Variants in ELMO1 observed in about 807,000 individuals in gnomAD.
ELMO1 encodes the protein engulfment and cell motility protein 1.
A neutral mutation model predicts 98.9 loss-of-function variants in ELMO1; 26 were observed. That is an observed-to-expected ratio of 0.26 (90% CI 0.19 to 0.36). The LOEUF (loss-of-function observed/expected upper bound fraction) is 0.36. ELMO1 is among the 10% of genes least tolerant of loss of function. The pLI is 1.00. For missense variants in ELMO1, 627 were observed against 935.2 expected, an observed-to-expected ratio of 0.67 and a Z score of 4.30; for synonymous variants, 346 against 346.0, an observed-to-expected ratio of 1.00 and a Z score of 0.00.
intron 13 of ELMO1, among the ~76,000 whole-genome samples, chr7:37,151,189 A>T (rs1216052536): frequency 6.6e-6 from 1 of 152,206 alleles, no homozygotes; most frequent in African/African-American, 2.4e-5. Flanking sequence ...TCAGGTCCTG[A>T]GGTCTCTTGG....
chr7:36,875,084 G>T (rs764412358), intron 19 of ELMO1, among the ~76,000 whole-genome samples: 1 of 152,164 alleles, frequency 6.6e-6, no homozygotes, highest in African/African-American at 2.4e-5. Flanking sequence ...ATGTTATGTG[G>T]CAAGAGCAAT....
intron 4 of ELMO1, among the ~76,000 whole-genome samples, chr7:37,275,042 T>G (rs748505267): frequency 1.3e-5 from 2 of 152,198 alleles, no homozygotes; most frequent in Non-Finnish European, 2.9e-5. Context: ...GATAAGTTAT[T>G]TGCCCAACAT....
intron 16 of ELMO1, among the ~76,000 whole-genome samples, chr7:36,895,542 G>A (rs191834088): frequency 4.6e-5 from 7 of 152,236 alleles, no homozygotes; most frequent in South Asian, 4.1e-4. Flanking sequence ...TACTAATTAC[G>A]CATTTGGAAA....
chr7:37,139,146 TC>T (rs1787455562), intron 13 of ELMO1, among the ~76,000 whole-genome samples: 1 of 152,022 alleles, frequency 6.6e-6, no homozygotes, highest in East Asian at 1.9e-4. Flanking sequence ...GTGGAAGCAT[TC>T]CCCCTGAGAA....
At chr7:36,885,809 A>C (rs1400921846) in intron 18 of ELMO1, among the ~76,000 whole-genome samples, 1 of 152,176 alleles carries the variant, frequency 6.6e-6, no homozygotes, top group East Asian at 1.9e-4. Context: ...GCCTGGCACC[A>C]AGTCCACTCA....
intron 7 of ELMO1, among the ~76,000 whole-genome samples, chr7:37,235,745 C>T (rs1794425958): frequency 6.6e-6 from 1 of 152,182 alleles, no homozygotes; most frequent in African/African-American, 2.4e-5. Flanking sequence ...GCAGCCTGGC[C>T]AACGTGGTGA....
At chr7:36,887,072 T>G (rs1805072811) in intron 18 of ELMO1, among the ~76,000 whole-genome samples, 1 of 152,212 alleles carries the variant, frequency 6.6e-6, no homozygotes, top group African/African-American at 2.4e-5. Context: ...GTTTGAATCC[T>G]TGCTCTTCTG....
intron 1 of ELMO1, among the ~76,000 whole-genome samples, chr7:37,352,093 T>C (rs1801296984): frequency 6.6e-6 from 1 of 152,254 alleles, no homozygotes; most frequent in Non-Finnish European, 1.5e-5. Flanking sequence ...GTTCACTTAC[T>C]ATATACTTTT....
intron 15 of ELMO1, among the ~76,000 whole-genome samples, chr7:37,090,727 G>A (rs561268207): frequency 6.6e-6 from 1 of 152,114 alleles, no homozygotes; most frequent in Non-Finnish European, 1.5e-5. Context: ...CCTTTCCCCA[G>A]CCCTGCCCAG....
intron 5 of ELMO1, chr7:37,271,601 G>A (rs923751340): frequency 4.0e-6 from 2 of 498,642 alleles, no homozygotes; most frequent in Non-Finnish European, 7.1e-6. Flanking sequence ...AAGCTATCCT[G>A]GGCCGCAGGT....
chr7:37,292,710 G>A (rs1263310438), intron 4 of ELMO1, among the ~76,000 whole-genome samples: 3 of 91,742 alleles, frequency 3.3e-5, no homozygotes, highest in Admixed American at 1.0e-4. Flanking sequence ...GTCTCCGCCC[G>A]GCAGCCGCCC....
intron 1 of ELMO1, among the ~76,000 whole-genome samples, chr7:37,366,548 G>A (rs1801909814): frequency 6.6e-6 from 1 of 152,152 alleles, no homozygotes; most frequent in Non-Finnish European, 1.5e-5. Context: ...GCAAGACAAA[G>A]TTATGGAGTC....
At chr7:37,099,833 A>G (rs564588288) in intron 14 of ELMO1, among the ~76,000 whole-genome samples, 8 of 141,358 alleles carry the variant, frequency 5.7e-5, no homozygotes, top group Admixed American at 1.4e-4. Context: ...CTGGAGTTCA[A>G]TTTTTTTTTT....
intron 13 of ELMO1, among the ~76,000 whole-genome samples, chr7:37,133,846 G>C (rs1787087017): frequency 6.6e-6 from 1 of 151,742 alleles, no homozygotes; most frequent in Non-Finnish European, 1.5e-5. Flanking sequence ...TGGTCTTTAG[G>C]GTCACCACAC....
chr7:37,291,557 A>G (rs1467157333), intron 4 of ELMO1, among the ~76,000 whole-genome samples: 1 of 152,224 alleles, frequency 6.6e-6, no homozygotes, highest in Non-Finnish European at 1.5e-5. Context: ...TATAGAAGGG[A>G]AAACTGACTA....
intron 4 of ELMO1, among the ~76,000 whole-genome samples, chr7:37,303,390 AC>A (rs1278366651): frequency 6.6e-6 from 1 of 152,188 alleles, no homozygotes; most frequent in African/African-American, 2.4e-5. Flanking sequence ...ACACACAAAC[AC>A]ACAAAAATAT....
chr7:37,392,818 A>G (rs1803137364), intron 1 of ELMO1, among the ~76,000 whole-genome samples: 1 of 152,162 alleles, frequency 6.6e-6, no homozygotes, highest in African/African-American at 2.4e-5. Flanking sequence ...CCTACAGTAA[A>G]TCATCAAATT....
chr7:37,188,487 TAAAA>T (rs869157346), intron 13 of ELMO1, among the ~76,000 whole-genome samples: 16 of 32,052 alleles, frequency 5.0e-4, no homozygotes, highest in Non-Finnish European at 5.9e-4. Context: ...TGGAGAAAGG[TAAAA>T]AAAAAAAAAA....
intron 15 of ELMO1, among the ~76,000 whole-genome samples, chr7:37,067,400 G>A (rs980021715): frequency 2.6e-5 from 4 of 152,112 alleles, no homozygotes; most frequent in Non-Finnish European, 5.9e-5. Context: ...ATATCTAAAC[G>A]TATGTGCAAC....
Sources: gnomAD v4.1 joint callset for allele counts (sites outside exome capture counted in the v4.1 genomes callset) on GRCh38, gnomAD v4.1.1 for gene constraint, MANE v1.5 for transcripts, NCBI Gene and HGNC (gene_info 2026-07-23, HGNC 2026-07-21) for gene names.